Variants in HIF3A observed in about 807,000 individuals in gnomAD.
HIF3A encodes hypoxia inducible factor 3 subunit alpha.
Under a neutral mutation model 67.2 loss-of-function variants are expected in HIF3A, and 41 were observed. That is an observed-to-expected ratio of 0.61 (90% CI 0.48 to 0.79). HIF3A has a LOEUF of 0.79. HIF3A is among the 30% of genes least tolerant of loss of function. The pLI is 0.00. For missense variants in HIF3A, 855 were observed against 898.0 expected, an observed-to-expected ratio of 0.95 and a Z score of 0.61; for synonymous variants, 356 against 374.8, an observed-to-expected ratio of 0.95 and a Z score of 0.58.
chr19:46,308,637 T>C, intron 4 of HIF3A, 26 bp from the exon 5 acceptor site: 2 of 1,439,152 alleles, frequency 1.4e-6, no homozygotes, highest in South Asian at 1.2e-5. Context: ...GCCTGTGACC[T>C]CCCCGCTGCC....
chr19:46,320,882 C>T (rs570573830), intron 9 of HIF3A, among the ~76,000 whole-genome samples: 5 of 152,342 alleles, frequency 3.3e-5, no homozygotes, highest in South Asian at 4.1e-4. Context: ...ATTGCCCCCA[C>T]GCTTCTGCCT....
rs570167843 is a variant in HIF3A, at chr19:46,319,726, G to A, written c.1026-717G>A. Among the ~76,000 whole-genome samples, 4 of 152,202 alleles carry A rather than the reference G, an allele frequency of 2.6e-5. No homozygotes were observed. In the South Asian group the frequency reaches 6.2e-4, roughly 24 times the overall value. Reference sequence around the variant, plus strand: ...TATAAAGAGAATATTTAGTTATTCTGAAGCCTTTCGCTCACCCCGCTCTTT... The same window carrying A: ...TATAAAGAGAATATTTAGTTATTCTAAAGCCTTTCGCTCACCCCGCTCTTT... On this transcript the variant is annotated intron_variant, in intron 8 of 14. Coordinates refer to ENST00000377670, the MANE Select transcript of HIF3A (RefSeq NM_152795.4).
chr19:46,297,131 G>T lies in HIF3A; in HGVS notation c.26+29G>T. ...CTGAAGTTCGGGGGCAGGAGTTCTGGGAATTGGGGGGCTCTCCTCCTGGAG... is the reference window on the plus strand; with the variant it reads ...CTGAAGTTCGGGGGCAGGAGTTCTGTGAATTGGGGGGCTCTCCTCCTGGAG... On this transcript the variant is annotated intron_variant, in intron 1 of 14. Coordinates refer to ENST00000377670, the MANE Select transcript of HIF3A (RefSeq NM_152795.4). The surrounding 1 kb of genome is among the most constrained non-coding windows in gnomAD (Gnocchi z 4.5). 8.2e-7 allele frequency: 1 copy of T among 1,225,750 alleles called. No individual in the cohort carries two copies. Among genetic ancestry groups the T allele is most frequent in the South Asian group, 3.3e-5 (1 of 29,886 alleles). 75.9% of individuals were successfully genotyped at this position (1,225,750 alleles called of 1,614,324 possible). A position where few individuals can be genotyped will look rare whatever the true frequency, so the allele number is the denominator to read the frequency against.
chr19:46,325,703 T>A, intron 11 of HIF3A, 64 bp downstream of exon 11: 1 of 1,107,146 alleles, frequency 9.0e-7, no homozygotes, highest in Admixed American at 1.7e-5. Flanking sequence ...CATATGTGGC[T>A]TTAGAGAAGG....
intron 1 of HIF3A, among the ~76,000 whole-genome samples, chr19:46,298,963 T>C (rs1004384502): frequency 6.6e-6 from 1 of 152,232 alleles, no homozygotes; most frequent in Non-Finnish European, 1.5e-5. Flanking sequence ...AGGGACTGCC[T>C]GCTTTTATTA....
intron 6 of HIF3A, among the ~76,000 whole-genome samples, 193 bp downstream of exon 6, chr19:46,309,552 T>A (rs1969246392): frequency 6.6e-6 from 1 of 152,028 alleles, no homozygotes; most frequent in Non-Finnish European, 1.5e-5. Context: ...GTAAAATCGC[T>A]GCCTTGCCAT....
chr19:46,327,320 CTT>C (rs113938190), intron 11 of HIF3A, among the ~76,000 whole-genome samples: 11 of 141,514 alleles, frequency 7.8e-5, no homozygotes, highest in Admixed American at 7.1e-5. Flanking sequence ...TTTCTTTTTT[CTT>C]TTTTTTTTTT....
chr19:46,318,583 A>C (rs77853247), intron 8 of HIF3A, among the ~76,000 whole-genome samples: 1,606 of 148,582 alleles, frequency 0.011, 37 homozygotes, highest in African/African-American at 0.038. Context: ...AAACAGAAGC[A>C]GGTGAAATTA....
rs555581873 is a variant in HIF3A, at chr19:46,325,590, C to T, written c.1391C>T (p.Thr464Ile). ...ACCGAGAATGTGCACAGACTCTTCA[C>T]CTCCGGGAAAGACACTGAGGCAGTG... is the stretch of plus-strand genomic sequence containing the variant. ...VGTENVHRLF[T>I]SGKDTEAVET... The change falls in exon 11 of 15, where the codon ACC (threonine) becomes ATC (isoleucine). Residue 464 changes from threonine to isoleucine, a missense_variant. This residue lies in a region of HIF3A where 638 missense variants were observed against 660.5 expected (regional missense o/e 0.97). Transcript: ENST00000377670. 28 of 1,613,504 alleles carry T rather than the reference C, an allele frequency of 1.7e-5. No homozygotes were observed. In the African/African-American group the frequency reaches 3.2e-4, roughly 18 times the overall value.
intron 2 of HIF3A, among the ~76,000 whole-genome samples, chr19:46,304,582 C>T (rs1968662085): frequency 6.6e-6 from 1 of 152,022 alleles, no homozygotes; most frequent in Non-Finnish European, 1.5e-5. Flanking sequence ...GAATTTCTAC[C>T]CAGTTAGAAT....
intron 6 of HIF3A, 32 bp downstream of exon 6, chr19:46,309,391 A>C: frequency 6.7e-7 from 1 of 1,483,192 alleles, no homozygotes; most frequent in Non-Finnish European, 9.2e-7. Context: ...CGTCTGCCCA[A>C]GTTCAAGTGC....
intron 1 of HIF3A, chr19:46,303,651 G>A: frequency 1.3e-6 from 2 of 1,585,070 alleles, no homozygotes; most frequent in Non-Finnish European, 1.7e-6. Context: ...AGAGAGGAGC[G>A]AGGCGCCAGA....
At position 46,309,379 on chromosome 19, in the gene HIF3A, TC is replaced by T. The variant is rs1969223863; in HGVS notation, c.770+22del. On this transcript the variant is annotated intron_variant, in intron 6 of 14. Transcript: ENST00000377670. ...CGACAGGTGGGCAGGGGCCCCCTCT[TC>T]CGTCTGCCCAAGTTCAAGTGCTGTT... The T allele has an allele frequency of 9.0e-6, 14 of 1,556,520 alleles. No homozygotes were observed. Among genetic ancestry groups the T allele is most frequent in the Non-Finnish European group, 1.2e-5 (14 of 1,146,684 alleles).
rs755226942 is a variant in HIF3A at position 46,321,832 on chromosome 19, G to A, written c.1201G>A (p.Ala401Thr). 13 of 1,613,880 alleles carry A rather than the reference G, an allele frequency of 8.1e-6. No individual in the cohort carries two copies. Among genetic ancestry groups the A allele is most frequent in the Non-Finnish European group, 1.1e-5 (13 of 1,180,010 alleles). ...FLHPPSLSEA[A>T]LAADPRRFCS... ...GCACCCGCCTTCCCTGAGCGAGGCTGCCCTGGCCGCTGACCCCCGCCGTTT... is the reference window on the plus strand; with the variant it reads ...GCACCCGCCTTCCCTGAGCGAGGCTACCCTGGCCGCTGACCCCCGCCGTTT... Residue 401 changes from alanine (A) to threonine (T), a missense_variant, in exon 10 of 15, where the codon GCC (alanine) becomes ACC (threonine). Transcript: ENST00000377670.
chr19:46,305,706 G>T (rs1428326570), intron 3 of HIF3A, among the ~76,000 whole-genome samples: 2 of 152,110 alleles, frequency 1.3e-5, no homozygotes, highest in Admixed American at 6.6e-5. Context: ...GATCAGTGAA[G>T]ATCAGGAATG....
At chr19:46,301,056 C>T (rs1968286402) in intron 1 of HIF3A, among the ~76,000 whole-genome samples, 1 of 152,114 alleles carries the variant, frequency 6.6e-6, no homozygotes, top group South Asian at 2.1e-4. Context: ...AGGGCTGGAA[C>T]AGAACAGGAC....
At chr19:46,323,043 GTT>G (rs34759440) in intron 10 of HIF3A, among the ~76,000 whole-genome samples, 1 of 147,514 alleles carries the variant, frequency 6.8e-6, no homozygotes, top group African/African-American at 2.5e-5. Flanking sequence ...GGGGACAGTG[GTT>G]TTTTTTTTGT....
At chr19:46,321,251 C>G (rs991908725) in intron 9 of HIF3A, among the ~76,000 whole-genome samples, 1 of 152,160 alleles carries the variant, frequency 6.6e-6, no homozygotes, top group Non-Finnish European at 1.5e-5. Context: ...ATCCCTTCCC[C>G]TCGGACCTTT....
At position 46,339,552 on chromosome 19, in the gene HIF3A, A is replaced by G. The variant is rs1000987259; in HGVS notation, c.1940A>G (p.Tyr647Cys). ...CTGGGCCCCTCACTGCTCTCTCCGT[A>G]CTCAGACGAGGACACTACCCAGCCC... ...LGLGPSLLSP[Y>C]SDEDTTQPGG... The change falls in exon 15 of 15, where the codon TAC becomes TGC. Residue 647 changes from tyrosine to cysteine, a missense_variant. By Grantham distance (194) the Tyr-to-Cys change is radical. Transcript: ENST00000377670. 3.1e-6 allele frequency: 5 copies of G among 1,607,056 alleles called. No homozygotes were observed. In the Admixed American group the frequency reaches 6.7e-5, roughly 22 times the overall value.
Sources: gnomAD v4.1 joint callset for allele counts (sites outside exome capture counted in the v4.1 genomes callset) on GRCh38, gnomAD v4.1.1 for gene constraint, gnomAD v4.1.1 regional missense constraint, Gnocchi (gnomAD v3.1) non-coding constraint, MANE v1.5 for transcripts, NCBI Gene and HGNC (gene_info 2026-07-23, HGNC 2026-07-21) for gene names.